The following LAMB1 variants were observed in gnomAD, a reference collection of about 807,000 sequenced individuals.
LAMB1 encodes the protein laminin subunit beta-1.
In LAMB1, 121 loss-of-function variants were observed where a neutral mutation model predicts 222.3. The ratio of observed to expected loss-of-function variants is 0.54; its 90% confidence interval spans 0.47 to 0.63. The LOEUF is 0.63. Ranked by LOEUF, LAMB1 falls within the 30% of genes least tolerant of loss-of-function variation. The pLI is 0.00. For synonymous variants in LAMB1, 794 were observed against 807.2 expected, an observed-to-expected ratio of 0.98 and a Z score of 0.28; for missense variants, 2,172 against 2,240.8, an observed-to-expected ratio of 0.97 and a Z score of 0.62.
intron 31 of LAMB1, 130 bp downstream of exon 31, chr7:107,928,934 G>A: frequency 7.7e-6 from 7 of 906,492 alleles, no homozygotes; most frequent in Non-Finnish European, 1.0e-5. Flanking sequence ...TAACGGAGTA[G>A]TTTAGATTTA....
intron 24 of LAMB1, among the ~76,000 whole-genome samples, chr7:107,950,115 A>C (rs763831216): frequency 5.1e-4 from 77 of 152,270 alleles, no homozygotes; most frequent in Non-Finnish European, 9.4e-4. Context: ...CTGTAACTCC[A>C]GTTATTTGGG....
rs1289806989 is a variant in LAMB1, at chr7:107,986,042, G to C, written c.656C>G (p.Pro219Arg). ...ALDPAFKIED[P>R]YSPRIQNLLK... ...CTTACTCTGTATCCTTGGGCTATAA[G>C]GATCTTCTATTTTGAAAGCAGGATC... The change falls in exon 7 of 34, where the codon CCT becomes CGT. Residue 219 changes from proline to arginine, a missense_variant. Pro to Arg is a moderately radical substitution (Grantham distance 103). Transcript: ENST00000222399. The C allele has an allele frequency of 6.2e-7, 1 of 1,610,758 alleles. No homozygotes were observed. The highest frequency in any genetic ancestry group is 8.5e-7 in the Non-Finnish European group (1 of 1,176,984).
chr7:107,974,224 T>A (rs7792232), intron 12 of LAMB1, among the ~76,000 whole-genome samples: 15,237 of 152,216 alleles, frequency 0.1, 796 homozygotes, highest in Admixed American at 0.16. Context: ...TACAGATTTT[T>A]AAAAACTTAT....
chr7:107,928,189 C>T (rs1192260293), intron 31 of LAMB1, among the ~76,000 whole-genome samples: 2 of 152,158 alleles, frequency 1.3e-5, no homozygotes, highest in African/African-American at 4.8e-5. Flanking sequence ...GTAATGAGTA[C>T]TTTTAATATC....
In LAMB1 at chr7:107,939,936, C is replaced by T. The variant is rs1282935719; in HGVS notation, c.3761+53G>A. The T allele has an allele frequency of 2.6e-6, 4 of 1,568,358 alleles. No homozygotes were observed. In the African/African-American group the frequency reaches 5.4e-5, roughly 21 times the overall value. ...TGCCAGGAAATCTTTGCTGTTAACTCACAATATTTTTTCAGCTTTATGAGT... is the reference window on the plus strand; with the variant it reads ...TGCCAGGAAATCTTTGCTGTTAACTTACAATATTTTTTCAGCTTTATGAGT... On this transcript the variant is annotated intron_variant, in intron 25 of 33. Coordinates refer to ENST00000222399, the MANE Select transcript of LAMB1 (RefSeq NM_002291.3).
rs150394914 is a variant in LAMB1 at position 107,965,521 on chromosome 7, G to A, written c.1563-834C>T. On this transcript the variant is annotated intron_variant, in intron 13 of 33. Transcript: ENST00000222399. Reference sequence around the variant, plus strand: ...TTGAACCCGGGAGGCAGAGGTTGAGGTGAGCTGAGATCACGCCATTGCACT... The same window carrying A: ...TTGAACCCGGGAGGCAGAGGTTGAGATGAGCTGAGATCACGCCATTGCACT... Among the ~76,000 whole-genome samples, 282 of 152,276 alleles carry A rather than the reference G, an allele frequency of 1.9e-3. 6 individuals carry two copies. The East Asian group carries it at 0.048, about 26-fold the overall frequency.
chr7:107,962,211 G>A (rs2033520204), intron 15 of LAMB1, among the ~76,000 whole-genome samples: 1 of 152,194 alleles, frequency 6.6e-6, no homozygotes, highest in South Asian at 2.1e-4. Context: ...GCTGGCTGGT[G>A]CATGCCCATC....
chr7:108,002,904 C>A lies in LAMB1; in HGVS notation c.-19G>T. The A allele has an allele frequency of 6.2e-7, 1 of 1,613,656 alleles. No homozygotes were observed. The highest frequency in any genetic ancestry group is 8.5e-7 in the Non-Finnish European group (1 of 1,179,938). On this transcript the variant is annotated 5_prime_UTR_variant, in exon 2 of 34. Transcript: ENST00000222399. ...GCCCCATGCCGGCTCCCTGCAGCCA[C>A]GGGGACGCGGCAGAGGAGTGGAGAA...
chr7:107,938,304 C>G (rs189646765), intron 25 of LAMB1, among the ~76,000 whole-genome samples: 127 of 152,180 alleles, frequency 8.3e-4, no homozygotes, highest in African/African-American at 2.9e-3. Flanking sequence ...ATTTCAGTGC[C>G]TTTTTTTCCT....
At position 107,978,135 on chromosome 7, in the gene LAMB1, G is replaced by A. The variant is rs1422471219; in HGVS notation, c.912C>T (p.Thr304=). ...TGCAGAGTTCACAGTTTAAGCCCTTGGTGTTATGCCTGCACATGCAGTGTC... is the reference window on the plus strand; with the variant it reads ...TGCAGAGTTCACAGTTTAAGCCCTTAGTGTTATGCCTGCACATGCAGTGTC... ...VHGHCMCRHN[T]KGLNCELCMD... Residue 304 remains threonine (T), a synonymous_variant, in exon 9 of 34, where the codon ACC becomes ACT. Transcript: ENST00000222399. The A allele has an allele frequency of 6.2e-7, 1 of 1,613,938 alleles. No individual in the cohort carries two copies. Among genetic ancestry groups the A allele is most frequent in the Non-Finnish European group, 8.5e-7 (1 of 1,179,932 alleles).
intron 13 of LAMB1, among the ~76,000 whole-genome samples, chr7:107,967,562 C>T (rs1042676379): frequency 1.3e-5 from 2 of 152,104 alleles, no homozygotes; most frequent in African/African-American, 4.8e-5. Context: ...TTTCTGGTGC[C>T]GACTCTTTGC....
At chr7:107,956,413 A>G (rs1442357919) in intron 20 of LAMB1, among the ~76,000 whole-genome samples, 1 of 152,170 alleles carries the variant, frequency 6.6e-6, no homozygotes, top group Non-Finnish European at 1.5e-5. Flanking sequence ...GGTCCCCGAT[A>G]ATATTGATGC....
chr7:107,929,899 T>C (rs1319183281), intron 29 of LAMB1: 4 of 461,760 alleles, frequency 8.7e-6, no homozygotes, highest in Non-Finnish European at 1.6e-5. Context: ...GATCAGATTT[T>C]AAGGGATAAT....
intron 13 of LAMB1, among the ~76,000 whole-genome samples, chr7:107,969,660 A>T (rs1195423521): frequency 6.6e-6 from 1 of 152,220 alleles, no homozygotes; most frequent in Non-Finnish European, 1.5e-5. Flanking sequence ...GTGTACTTAC[A>T]CAAACCTAGA....
intron 24 of LAMB1, among the ~76,000 whole-genome samples, chr7:107,946,628 GAGAAC>G (rs2033122040): frequency 6.6e-6 from 1 of 152,228 alleles, no homozygotes; most frequent in African/African-American, 2.4e-5. Context: ...TACCTCTTCT[GAGAAC>G]ACATTCTGTA....
chr7:107,964,794 A>C, intron 13 of LAMB1, 107 bp from the exon 14 acceptor site: 1 of 1,211,166 alleles, frequency 8.3e-7, no homozygotes, highest in Non-Finnish European at 1.2e-6. Flanking sequence ...CCAAATACAT[A>C]GCATGTTCTT....
chr7:108,003,024 G>A, intron 1 of LAMB1, 53 bp from the exon 2 acceptor site: 1 of 1,468,758 alleles, frequency 6.8e-7, no homozygotes, highest in Non-Finnish European at 8.9e-7. Flanking sequence ...GAGAGAAGAG[G>A]CGCCCTTCCA....
At position 107,995,555 on chromosome 7, in the gene LAMB1, G is replaced by C. The variant is rs577489164; in HGVS notation, c.350-595C>G. ...TGAAAAACAACGCCAGAGAAAAAAA[G>C]AATCTGTCAAATAAACTGGCTCAGA... On this transcript the variant is annotated intron_variant, in intron 4 of 33. Transcript: ENST00000222399. Among the ~76,000 whole-genome samples the C allele has an allele frequency of 3.9e-5, 6 of 152,318 alleles. No homozygotes were observed. The South Asian group carries it at 1.2e-3, about 32-fold the overall frequency.
At chr7:107,975,666 G>A (rs750194029) in intron 10 of LAMB1, 23 bp downstream of exon 10, 8 of 1,596,402 alleles carry the variant, frequency 5.0e-6, no homozygotes, top group Non-Finnish European at 5.1e-6. Flanking sequence ...GTCCCACACA[G>A]TGAGTGACAT....
Sources: gnomAD v4.1 joint callset for allele counts (sites outside exome capture counted in the v4.1 genomes callset) on GRCh38, gnomAD v4.1.1 for gene constraint, MANE v1.5 for transcripts, NCBI Gene and HGNC (gene_info 2026-07-23, HGNC 2026-07-21) for gene names.